Variants in CDH12 observed in about 807,000 individuals in gnomAD.
CDH12 encodes cadherin-12.
Under a neutral mutation model 74.1 loss-of-function variants are expected in CDH12, and 41 were observed. That is an observed-to-expected ratio of 0.55 (90% CI 0.43 to 0.72). The LOEUF is 0.72. Among genes scored for constraint, CDH12 ranks in the 30% least tolerant of loss-of-function variants. CDH12 has a pLI of 0.00. For synonymous variants in CDH12, 399 were observed against 355.0 expected, an observed-to-expected ratio of 1.12 and a Z score of -1.39; for missense variants, 945 against 977.2, an observed-to-expected ratio of 0.97 and a Z score of 0.44.
intron 3 of CDH12, among the ~76,000 whole-genome samples, chr5:22,273,026 A>G (rs1736469900): frequency 6.6e-6 from 1 of 152,122 alleles, no homozygotes; most frequent in Non-Finnish European, 1.5e-5. Flanking sequence ...TGACTCACTC[A>G]CTATCATGAG....
In CDH12 at chr5:21,772,974, C is replaced by T. The variant is rs191323638; in HGVS notation, c.1394-7875G>A. On this transcript the variant is annotated intron_variant, in intron 11 of 14. Transcript: ENST00000382254. Reference sequence around the variant, plus strand: ...TAAGCAGTTTGATTACAGTAATGTACGCAAAAGCAGTTGAAAATTTAAGAT... The same window carrying T: ...TAAGCAGTTTGATTACAGTAATGTATGCAAAAGCAGTTGAAAATTTAAGAT... Among the ~76,000 whole-genome samples, 30 of 152,038 alleles carry T rather than the reference C, an allele frequency of 2.0e-4. 1 individual carries two copies. The highest frequency in any genetic ancestry group is 3.4e-3 in the Middle Eastern group (1 of 294).
intron 6 of CDH12, among the ~76,000 whole-genome samples, chr5:21,901,677 A>G (rs1160316707): frequency 6.6e-6 from 1 of 152,054 alleles, no homozygotes; most frequent in Non-Finnish European, 1.5e-5. Flanking sequence ...CTCCAGATTC[A>G]TTTCAACCAG....
At chr5:22,699,924 C>T (rs113048644) in intron 1 of CDH12, among the ~76,000 whole-genome samples, 9 of 152,254 alleles carry the variant, frequency 5.9e-5, no homozygotes, top group African/African-American at 2.2e-4. Flanking sequence ...CCTGTAATCC[C>T]AGCACTTTGA....
chr5:22,362,577 C>G (rs970002741), intron 3 of CDH12, among the ~76,000 whole-genome samples: 1 of 152,028 alleles, frequency 6.6e-6, no homozygotes, highest in African/African-American at 2.4e-5. Flanking sequence ...CATCCCATTA[C>G]TGAGTATATA....
At chr5:22,702,208 A>G (rs948790612) in intron 1 of CDH12, among the ~76,000 whole-genome samples, 27 of 152,236 alleles carry the variant, frequency 1.8e-4, no homozygotes, top group African/African-American at 6.3e-4. Context: ...TTATTATACT[A>G]GTCATTCATT....
At chr5:22,533,559 A>G (rs1737688369) in intron 1 of CDH12, among the ~76,000 whole-genome samples, 1 of 152,212 alleles carries the variant, frequency 6.6e-6, no homozygotes, top group South Asian at 2.1e-4. Context: ...GGTTTTGGCC[A>G]TGCTTCCTAG....
At chr5:22,761,792 G>T (rs1217523426) in intron 1 of CDH12, among the ~76,000 whole-genome samples, 1 of 152,098 alleles carries the variant, frequency 6.6e-6, no homozygotes, top group East Asian at 1.9e-4. Context: ...TTAAGAAAAT[G>T]TATAATAAAT....
chr5:22,232,859 A>T (rs952393921), intron 3 of CDH12, among the ~76,000 whole-genome samples: 5 of 146,792 alleles, frequency 3.4e-5, no homozygotes, highest in African/African-American at 1.2e-4. Context: ...AAATATATAT[A>T]TATTTATATA....
At chr5:22,071,906 C>T (rs2150217517) in intron 5 of CDH12, among the ~76,000 whole-genome samples, 1 of 152,180 alleles carries the variant, frequency 6.6e-6, no homozygotes, top group African/African-American at 2.4e-5. Flanking sequence ...TGCAATTACC[C>T]ACTAATTTCT....
chr5:21,785,375 A>G (rs1746144326), intron 10 of CDH12, among the ~76,000 whole-genome samples: 1 of 152,176 alleles, frequency 6.6e-6, no homozygotes, highest in Non-Finnish European at 1.5e-5. Context: ...AGAGTCACAC[A>G]TATTTCACTT....
rs181962106 is a variant in CDH12 at position 22,679,948 on chromosome 5, G to A, written c.-523+173110C>T. On this transcript the variant is annotated intron_variant, in intron 1 of 14. Coordinates refer to ENST00000382254, the MANE Select transcript of CDH12 (RefSeq NM_004061.5). ...AACACCAGATCACATGTCTGTACAC[G>A]TTCTGAGCATTCATTGCCTCATCTA... Among the ~76,000 whole-genome samples, 207 of 152,192 alleles carry A rather than the reference G, an allele frequency of 1.4e-3. 2 individuals are homozygous for A. The highest frequency in any genetic ancestry group is 1.3e-3 in the Non-Finnish European group (89 of 68,000).
intron 4 of CDH12, among the ~76,000 whole-genome samples, chr5:22,153,856 G>GTATA (rs1296231917): frequency 8.8e-6 from 1 of 114,088 alleles, no homozygotes; most frequent in Non-Finnish European, 1.8e-5. Context: ...ATATGTGTGT[G>GTATA]TGTATATATA....
chr5:22,037,017 AGAG>A (rs1739237875), intron 5 of CDH12, among the ~76,000 whole-genome samples: 1 of 152,208 alleles, frequency 6.6e-6, no homozygotes, highest in Non-Finnish European at 1.5e-5. Flanking sequence ...TTGAAAATGG[AGAG>A]AACTGAGAGT....
chr5:22,733,636 C>T (rs538735060), intron 1 of CDH12, among the ~76,000 whole-genome samples: 1 of 151,834 alleles, frequency 6.6e-6, no homozygotes, highest in African/African-American at 2.4e-5. Context: ...TCTCTTCTTC[C>T]CTCATAAGCC....
At chr5:22,308,359 T>A (rs1006444474) in intron 3 of CDH12, among the ~76,000 whole-genome samples, 1 of 152,302 alleles carries the variant, frequency 6.6e-6, no homozygotes, top group Non-Finnish European at 1.5e-5. Context: ...TAATCTGTCA[T>A]TATCCGATTG....
chr5:21,937,090 A>G (rs1755106060), intron 6 of CDH12, among the ~76,000 whole-genome samples: 1 of 152,222 alleles, frequency 6.6e-6, no homozygotes, highest in South Asian at 2.1e-4. Context: ...AATGGAAAGA[A>G]TCATTTTATC....
At chr5:22,693,739 A>C (rs993503821) in intron 1 of CDH12, among the ~76,000 whole-genome samples, 3 of 135,092 alleles carry the variant, frequency 2.2e-5, no homozygotes, top group African/African-American at 8.9e-5. Context: ...TAATTTACCA[A>C]TTGAAATGTT....
At chr5:22,549,377 A>T (rs28743042) in intron 1 of CDH12, among the ~76,000 whole-genome samples, 4 of 151,334 alleles carry the variant, frequency 2.6e-5, no homozygotes, top group East Asian at 1.9e-4. Context: ...TTTTTTCTTG[A>T]GGAAATAATA....
chr5:22,461,734 T>C (rs544208829), intron 2 of CDH12, among the ~76,000 whole-genome samples: 1 of 151,922 alleles, frequency 6.6e-6, no homozygotes, highest in Admixed American at 6.6e-5. Flanking sequence ...ATATTTTGAT[T>C]TTCATATTAT....
Sources: gnomAD v4.1 joint callset for allele counts (sites outside exome capture counted in the v4.1 genomes callset) on GRCh38, gnomAD v4.1.1 for gene constraint, MANE v1.5 for transcripts, NCBI Gene and HGNC (gene_info 2026-07-23, HGNC 2026-07-21) for gene names.